CERS3: variants seen among roughly 807,000 people sequenced by gnomAD.
The protein encoded by CERS3 is ceramide synthase 3, also known as LAG1 homolog, ceramide synthase 3.
A neutral mutation model predicts 50.3 loss-of-function variants in CERS3; 33 were observed. The ratio of observed to expected loss-of-function variants is 0.66; its 90% CI spans 0.50 to 0.88. The LOEUF (loss-of-function observed/expected upper bound fraction) is 0.88, where lower values mean the gene tolerates loss of function less well. Among genes scored for constraint, CERS3 ranks in the 40% least tolerant of loss-of-function variants. CERS3 has a pLI of 0.00. For missense variants in CERS3, 470 were observed against 460.3 expected (o/e 1.02, Z -0.19); for synonymous variants, 176 against 155.2 (o/e 1.13, Z -0.99).
chr15:100,409,962 G>C (rs2585248), intron 11 of CERS3, among the ~76,000 whole-genome samples: 3 of 151,962 alleles, frequency 2.0e-5, no homozygotes, highest in Non-Finnish European at 2.9e-5. Flanking sequence ...TGGCACACAC[G>C]CCTGTCATCT....
At chr15:100,435,368 G>A (rs889161564) in intron 11 of CERS3, among the ~76,000 whole-genome samples, 1 of 152,154 alleles carries the variant, frequency 6.6e-6, no homozygotes, top group African/African-American at 2.4e-5. Flanking sequence ...TGAGGAAACA[G>A]GGAGTACCAA....
intron 1 of CERS3, among the ~76,000 whole-genome samples, chr15:100,523,296 C>T (rs1393941): frequency 0.052 from 7,869 of 152,268 alleles, 287 homozygotes; most frequent in Middle Eastern, 0.082. Context: ...TGTCTCCTCT[C>T]CTGCAGTTTG....
intron 5 of CERS3, among the ~76,000 whole-genome samples, chr15:100,480,457 C>A (rs995622544): frequency 1.3e-5 from 2 of 152,170 alleles, no homozygotes; most frequent in African/African-American, 2.4e-5. Context: ...CTCTTATCCC[C>A]ATTTAATTCC....
intron 4 of CERS3, among the ~76,000 whole-genome samples, chr15:100,486,439 G>A (rs1433781677): frequency 6.6e-6 from 1 of 152,208 alleles, no homozygotes; most frequent in Non-Finnish European, 1.5e-5. Flanking sequence ...ACCCACCTCC[G>A]AGGGATGATT....
At chr15:100,409,846 A>G (rs1032536594) in intron 11 of CERS3, among the ~76,000 whole-genome samples, 11 of 152,340 alleles carry the variant, frequency 7.2e-5, no homozygotes, top group African/African-American at 2.6e-4. Flanking sequence ...CGCTTCAAGA[A>G]GGATCCAAAA....
intron 10 of CERS3, among the ~76,000 whole-genome samples, chr15:100,467,121 A>T (rs933919442): frequency 1.3e-5 from 2 of 151,776 alleles, no homozygotes; most frequent in Non-Finnish European, 2.9e-5. Flanking sequence ...CTCCCAAAGT[A>T]CCGGGATATA....
intron 11 of CERS3, among the ~76,000 whole-genome samples, chr15:100,416,928 T>A (rs1199549684): frequency 2.6e-5 from 4 of 152,100 alleles, no homozygotes; most frequent in Non-Finnish European, 5.9e-5. Context: ...AGAACAGATA[T>A]TTCTCAAAAG....
intron 10 of CERS3, among the ~76,000 whole-genome samples, chr15:100,457,392 G>A (rs2034409721): frequency 6.6e-6 from 1 of 152,094 alleles, no homozygotes; most frequent in South Asian, 2.1e-4. Context: ...TGTATCCTTT[G>A]GTCTGTCTTC....
intron 9 of CERS3, 41 bp from the exon 10 acceptor site, chr15:100,469,525 C>T: frequency 7.4e-7 from 1 of 1,346,762 alleles, no homozygotes; most frequent in Non-Finnish European, 1.1e-6. Flanking sequence ...TGACAATAGC[C>T]TACATTTTTA....
chr15:100,444,316 T>C (rs1033844786), intron 11 of CERS3, among the ~76,000 whole-genome samples: 67 of 152,182 alleles, frequency 4.4e-4, no homozygotes, highest in African/African-American at 1.6e-3. Context: ...CTTTGTTGAG[T>C]CTCCCACAAT....
At chr15:100,405,454 GA>G (rs2030942632) in intron 11 of CERS3, among the ~76,000 whole-genome samples, 1 of 152,096 alleles carries the variant, frequency 6.6e-6, no homozygotes, top group Admixed American at 6.5e-5. Flanking sequence ...ACCAAGCACT[GA>G]CAAGGACGCA....
chr15:100,405,257 A>G (rs1364734190), intron 11 of CERS3, among the ~76,000 whole-genome samples: 1 of 147,768 alleles, frequency 6.8e-6, no homozygotes, highest in Non-Finnish European at 1.5e-5. Flanking sequence ...AACAAAAAAA[A>G]ACCCCTAATT....
intron 4 of CERS3, among the ~76,000 whole-genome samples, chr15:100,489,802 C>A (rs572412345): frequency 6.6e-6 from 1 of 152,256 alleles, no homozygotes; most frequent in Non-Finnish European, 1.5e-5. Context: ...GTTACAAAAG[C>A]AGTCAAATAC....
chr15:100,499,236 A>T (rs984894622), intron 3 of CERS3, among the ~76,000 whole-genome samples: 1 of 152,222 alleles, frequency 6.6e-6, no homozygotes, highest in Non-Finnish European at 1.5e-5. Context: ...TGTTTATTCC[A>T]TGAGTGTTGA....
At chr15:100,444,551 C>T (rs897350251) in intron 11 of CERS3, among the ~76,000 whole-genome samples, 3 of 152,188 alleles carry the variant, frequency 2.0e-5, no homozygotes, top group Admixed American at 6.5e-5. Flanking sequence ...TAGTACAAGC[C>T]GCTAGCCCGC....
chr15:100,504,257 T>G (rs77462948), intron 2 of CERS3, among the ~76,000 whole-genome samples: 1 of 149,998 alleles, frequency 6.7e-6, no homozygotes, highest in African/African-American at 2.5e-5. Flanking sequence ...TTTTTTTTTT[T>G]TTTGAGATGG....
intron 11 of CERS3, among the ~76,000 whole-genome samples, chr15:100,442,656 C>T (rs1367229092): frequency 3.9e-5 from 6 of 152,144 alleles, no homozygotes; most frequent in African/African-American, 7.2e-5. Context: ...CACTGAAAAT[C>T]AGACTGTTCA....
intron 11 of CERS3, among the ~76,000 whole-genome samples, chr15:100,451,922 A>G (rs2034187345): frequency 6.6e-6 from 1 of 152,228 alleles, no homozygotes; most frequent in South Asian, 2.1e-4. Context: ...AGATCAACTC[A>G]GCAAGAAATA....
At chr15:100,441,535 C>T (rs2033682925) in intron 11 of CERS3, among the ~76,000 whole-genome samples, 1 of 151,950 alleles carries the variant, frequency 6.6e-6, no homozygotes, top group Non-Finnish European at 1.5e-5. Context: ...TATGGGCAAC[C>T]TTCCACCCTC....
Sources: gnomAD v4.1 joint callset for allele counts (sites outside exome capture counted in the v4.1 genomes callset) on GRCh38, gnomAD v4.1.1 for gene constraint, MANE v1.5 for transcripts, NCBI Gene and HGNC (gene_info 2026-07-23, HGNC 2026-07-21) for gene names.